GRID2: variants seen among roughly 807,000 people sequenced by gnomAD.
The protein encoded by GRID2 is glutamate ionotropic receptor delta type subunit 2, also known as glutamate receptor ionotropic, delta-2.
GRID2 carries 33 observed loss-of-function variants against 114.8 expected under a neutral mutation model. That is an observed-to-expected ratio of 0.29 (90% CI 0.22 to 0.38). GRID2 has a LOEUF of 0.38. Ranked by LOEUF, GRID2 falls within the 10% of genes least tolerant of loss-of-function variation. The probability of loss-of-function intolerance (pLI) is 1.00; values close to 1 mark genes in which losing one functional copy is unlikely to be tolerated. For synonymous variants in GRID2, 505 were observed against 449.9 expected (o/e 1.12, Z -1.55); for missense variants, 1,184 against 1,257.7 (o/e 0.94, Z 0.89).
At chr4:93,501,698 G>C (rs1345553599) in intron 12 of GRID2, among the ~76,000 whole-genome samples, 2 of 151,986 alleles carry the variant, frequency 1.3e-5, no homozygotes, top group Non-Finnish European at 2.9e-5. Flanking sequence ...ACAGTTTGTG[G>C]CTCCCAGGAA....
intron 8 of GRID2, among the ~76,000 whole-genome samples, chr4:93,295,950 C>A (rs772944909): frequency 9.2e-5 from 14 of 152,174 alleles, no homozygotes; most frequent in Non-Finnish European, 2.1e-4. Context: ...TTGACTACAG[C>A]AGATTTTTAT....
At chr4:92,900,882 A>G (rs1409482676) in intron 2 of GRID2, among the ~76,000 whole-genome samples, 1 of 150,784 alleles carries the variant, frequency 6.6e-6, no homozygotes, top group African/African-American at 2.4e-5. Context: ...AGTTTCATCC[A>G]TATTGCTGCT....
chr4:92,655,813 C>G (rs1732203918), intron 2 of GRID2, among the ~76,000 whole-genome samples: 1 of 151,682 alleles, frequency 6.6e-6, no homozygotes, highest in South Asian at 2.1e-4. Context: ...TAATTTGACT[C>G]CCTCTTTTCC....
At chr4:93,568,381 A>C (rs1735631803) in intron 13 of GRID2, among the ~76,000 whole-genome samples, 1 of 152,088 alleles carries the variant, frequency 6.6e-6, no homozygotes, top group South Asian at 2.1e-4. Flanking sequence ...AACTGTGTGG[A>C]GATATTATTG....
rs115656967 is a variant in GRID2 at position 92,693,611 on chromosome 4, G to A, written c.244+103325G>A. Among the ~76,000 whole-genome samples, 710 of 152,244 alleles carry A rather than the reference G, an allele frequency of 4.7e-3. 5 individuals carry two copies. Among genetic ancestry groups the A allele is most frequent in the African/African-American group, 0.016 (679 of 41,530 alleles). On this transcript the variant is annotated intron_variant, in intron 2 of 15. Coordinates refer to ENST00000282020, the MANE Select transcript of GRID2 (RefSeq NM_001510.4). ...GACTATATTCCCATCTTAAGTTAGA[G>A]AATACTGAGACTCACAGACATTTAG... is the stretch of plus-strand genomic sequence containing the variant.
intron 1 of GRID2, among the ~76,000 whole-genome samples, chr4:93,800,535 G>C (rs1292693792): frequency 6.6e-6 from 1 of 152,118 alleles, no homozygotes; most frequent in South Asian, 2.1e-4. Flanking sequence ...TTAAAGATTT[G>C]GTTCTTATTT....
chr4:93,379,251 A>G (rs568022514), intron 8 of GRID2, among the ~76,000 whole-genome samples: 32 of 152,256 alleles, frequency 2.1e-4, no homozygotes, highest in Admixed American at 1.8e-3. Context: ...GACAAGTAAT[A>G]TATTTAAATA....
chr4:93,413,995 A>G (rs1371115486), intron 9 of GRID2, among the ~76,000 whole-genome samples: 1 of 152,146 alleles, frequency 6.6e-6, no homozygotes, highest in Non-Finnish European at 1.5e-5. Flanking sequence ...TCCAACTAAA[A>G]ATCAGTCAAG....
chr4:93,379,972 C>G (rs1249140929), intron 8 of GRID2, among the ~76,000 whole-genome samples: 3 of 152,008 alleles, frequency 2.0e-5, no homozygotes, highest in African/African-American at 7.2e-5. Context: ...AAAAGCTTGA[C>G]ACTAAAATGA....
chr4:93,019,366 A>T (rs1319327928), intron 2 of GRID2, among the ~76,000 whole-genome samples: 1 of 152,126 alleles, frequency 6.6e-6, no homozygotes, highest in African/African-American at 2.4e-5. Context: ...GAGTTTTTCA[A>T]GCTGTCTTCT....
intron 2 of GRID2, among the ~76,000 whole-genome samples, chr4:92,863,706 G>A (rs1258349054): frequency 6.6e-6 from 1 of 152,134 alleles, no homozygotes; most frequent in Non-Finnish European, 1.5e-5. Context: ...ATGTCGGGAA[G>A]TATAGCTGAA....
chr4:92,946,962 A>G (rs1751685413), intron 2 of GRID2, among the ~76,000 whole-genome samples: 1 of 152,058 alleles, frequency 6.6e-6, no homozygotes, highest in African/African-American at 2.4e-5. Context: ...GGTAACTCAC[A>G]TGTCCTTACT....
chr4:92,431,924 G>C (rs572909105), intron 1 of GRID2, among the ~76,000 whole-genome samples: 1 of 152,342 alleles, frequency 6.6e-6, no homozygotes, highest in African/African-American at 2.4e-5. Context: ...CTAAGTCTTT[G>C]GTCATCACTG....
At chr4:93,003,006 C>T (rs962942159) in intron 2 of GRID2, among the ~76,000 whole-genome samples, 1 of 151,854 alleles carries the variant, frequency 6.6e-6, no homozygotes, top group African/African-American at 2.4e-5. Flanking sequence ...CTCTCTGCCT[C>T]TCTCTTATTA....
intron 1 of GRID2, among the ~76,000 whole-genome samples, chr4:92,533,661 T>C (rs938215163): frequency 6.6e-6 from 1 of 152,106 alleles, no homozygotes. Flanking sequence ...ACATAACACA[T>C]ATGAAGATGG....
chr4:92,540,784 C>G (rs1579546375), intron 1 of GRID2, among the ~76,000 whole-genome samples: 1 of 152,114 alleles, frequency 6.6e-6, no homozygotes, highest in South Asian at 2.1e-4. Flanking sequence ...CCAGCCATCC[C>G]ATTACTGGGT....
intron 2 of GRID2, among the ~76,000 whole-genome samples, chr4:93,053,100 C>T (rs1726880174): frequency 6.6e-6 from 1 of 151,938 alleles, no homozygotes. Context: ...TCCCACTCTA[C>T]TATTACTGAA....
At chr4:93,375,672 C>T (rs796339214) in intron 8 of GRID2, among the ~76,000 whole-genome samples, 23 of 152,304 alleles carry the variant, frequency 1.5e-4, no homozygotes, top group African/African-American at 5.5e-4. Context: ...ACATGAGTTA[C>T]ACCTTTTTGG....
At chr4:93,713,866 A>G (rs946518977) in intron 14 of GRID2, among the ~76,000 whole-genome samples, 14 of 152,176 alleles carry the variant, frequency 9.2e-5, no homozygotes, top group African/African-American at 3.4e-4. Flanking sequence ...ATATATTTGT[A>G]AAAGTTAATA....
Sources: gnomAD v4.1 joint callset for allele counts (sites outside exome capture counted in the v4.1 genomes callset) on GRCh38, gnomAD v4.1.1 for gene constraint, MANE v1.5 for transcripts, NCBI Gene and HGNC (gene_info 2026-07-23, HGNC 2026-07-21) for gene names.